The following SEMA6D variants were observed in gnomAD, a reference collection of about 807,000 sequenced individuals.
SEMA6D encodes semaphorin 6D, also known as semaphorin-6D.
SEMA6D carries 35 observed loss-of-function variants against 106.6 expected under a neutral mutation model. The ratio of observed to expected loss-of-function variants is 0.33; its 90% CI spans 0.25 to 0.44. The LOEUF is 0.44. Ranked by LOEUF, SEMA6D falls within the 20% of genes least tolerant of loss-of-function variation. The pLI, the probability that SEMA6D is intolerant of heterozygous loss-of-function variation, is 1.00. For synonymous variants in SEMA6D, 499 were observed against 487.7 expected (o/e 1.02, Z -0.31); for missense variants, 1,185 against 1,345.9 (o/e 0.88, Z 1.87).
Position 47,277,807 on chromosome 15 carries a change from C to G in SEMA6D, c.-239+93389C>G, listed in dbSNP as rs1388729720. Among the ~76,000 whole-genome samples, 6 of 150,742 alleles carry G rather than the reference C, an allele frequency of 4.0e-5. 1 individual carries two copies. In the South Asian group the frequency reaches 1.1e-3, roughly 27 times the overall value. ...TCCCCAGAGTGTGATGTTCCCCTTC[C>G]TGTGTCCATGTGTTCTCATTGTTCA... is the stretch of plus-strand genomic sequence containing the variant. On this transcript the variant is annotated intron_variant, in intron 1 of 19. Coordinates refer to the SEMA6D transcript ENST00000558014.
chr15:47,426,642 TTATCATATAATAGCACATCCC>T lies in SEMA6D; in HGVS notation c.-159+14172_-159+14192del, dbSNP rs370334626. ...TTTTGGTCTTTTATTTACATTTTCA[TTATCATATAATAGCACATCCC>T]TGATGCGTACTCCCTACAGGGTATA... is the stretch of plus-strand genomic sequence containing the variant. On this transcript the variant is annotated intron_variant, in intron 2 of 19. Coordinates refer to the SEMA6D transcript ENST00000558014. Among the ~76,000 whole-genome samples, 1,031 of 152,216 alleles carry T rather than the reference TTATCATATAATAGCACATCCC, an allele frequency of 6.8e-3. 9 individuals carry two copies. Among genetic ancestry groups the T allele is most frequent in the African/African-American group, 0.024 (987 of 41,530 alleles).
At chr15:47,403,797 G>T (rs559621824) in intron 1 of SEMA6D, among the ~76,000 whole-genome samples, 2 of 152,168 alleles carry the variant, frequency 1.3e-5, no homozygotes, top group South Asian at 2.1e-4. Context: ...GATGGGGCTG[G>T]CTCTTCCTTT....
At chr15:47,656,079 G>T (rs2077787163) in intron 4 of SEMA6D, among the ~76,000 whole-genome samples, 1 of 152,204 alleles carries the variant, frequency 6.6e-6, no homozygotes, top group Non-Finnish European at 1.5e-5. Context: ...ACTGTCTAAT[G>T]TTCCTAAACA....
intron 2 of SEMA6D, among the ~76,000 whole-genome samples, chr15:47,447,697 C>T (rs1354574925): frequency 6.6e-6 from 1 of 152,082 alleles, no homozygotes; most frequent in East Asian, 1.9e-4. Flanking sequence ...GCCATTTTAG[C>T]AAATTAATCA....
chr15:47,237,503 A>G (rs2032628646), intron 1 of SEMA6D, among the ~76,000 whole-genome samples: 1 of 152,098 alleles, frequency 6.6e-6, no homozygotes, highest in Non-Finnish European at 1.5e-5. Flanking sequence ...TGAGCAATGC[A>G]CTATGACCGA....
chr15:47,738,936 C>T (rs1207904078), intron 1 of SEMA6D, among the ~76,000 whole-genome samples: 1 of 152,136 alleles, frequency 6.6e-6, no homozygotes, highest in Admixed American at 6.6e-5. Context: ...CTAGGGCTGA[C>T]AGCCATAGCC....
chr15:47,535,120 C>T (rs2045116005), intron 3 of SEMA6D, among the ~76,000 whole-genome samples: 1 of 147,008 alleles, frequency 6.8e-6, no homozygotes, highest in African/African-American at 2.5e-5. Context: ...CAAAAAAACA[C>T]AAAAAACAAC....
At position 47,435,502 on chromosome 15, in the gene SEMA6D, G is replaced by C. The variant is rs146890311; in HGVS notation, c.-159+23030G>C. ...CACATGGCAAGTCTAATGACATGTG[G>C]CTCCCTACCCAGTTGAGCCACGTTC... On this transcript the variant is annotated intron_variant, in intron 2 of 19. Transcript: ENST00000558014. 4.0e-4 allele frequency among the ~76,000 whole-genome samples: 61 copies of C among 152,040 alleles called. 1 individual carries two copies. In the East Asian group the frequency reaches 0.011, roughly 28 times the overall value.
intron 1 of SEMA6D, among the ~76,000 whole-genome samples, chr15:47,382,763 G>A (rs1260889493): frequency 2.6e-5 from 4 of 152,108 alleles, no homozygotes; most frequent in Non-Finnish European, 4.4e-5. Flanking sequence ...TGTTAGTCCT[G>A]TAGTACCATT....
intron 3 of SEMA6D, among the ~76,000 whole-genome samples, chr15:47,503,049 A>G (rs979383124): frequency 1.3e-5 from 2 of 152,212 alleles, no homozygotes; most frequent in African/African-American, 4.8e-5. Context: ...CACTTTATTA[A>G]CTATACACTA....
chr15:47,372,486 G>A (rs1265660627), intron 1 of SEMA6D, among the ~76,000 whole-genome samples: 1 of 152,166 alleles, frequency 6.6e-6, no homozygotes, highest in Non-Finnish European at 1.5e-5. Context: ...TATTTAGTTA[G>A]CCTCAAAATA....
In SEMA6D at chr15:47,373,182, A is replaced by G. The variant is rs372193303; in HGVS notation, c.-238-39211A>G. 5.3e-5 allele frequency among the ~76,000 whole-genome samples: 8 copies of G among 152,288 alleles called. 3 individuals carry two copies. The highest frequency in any genetic ancestry group is 1.7e-4 in the African/African-American group (7 of 41,556). On this transcript the variant is annotated intron_variant, in intron 1 of 19. Transcript: ENST00000558014. ...GGGATATGTGACTATGGAGCCCATA[A>G]TATCCAGGGTGGTCCTAAGGTGCCA...
intron 1 of SEMA6D, among the ~76,000 whole-genome samples, chr15:47,286,038 G>T (rs539685896): frequency 6.6e-6 from 1 of 152,194 alleles, no homozygotes; most frequent in African/African-American, 2.4e-5. Context: ...TCCATCCCAT[G>T]TGTTGACTCT....
At chr15:47,560,015 G>A (rs1452310289) in intron 3 of SEMA6D, among the ~76,000 whole-genome samples, 1 of 152,084 alleles carries the variant, frequency 6.6e-6, no homozygotes, top group East Asian at 1.9e-4. Context: ...AACATCAGCA[G>A]CTATAGTTTA....
At position 47,543,009 on chromosome 15, in the gene SEMA6D, G is replaced by C. The variant is rs930128410; in HGVS notation, c.-86-57856G>C. 2.6e-5 allele frequency among the ~76,000 whole-genome samples: 4 copies of C among 152,236 alleles called. No homozygotes were observed. The South Asian group carries it at 6.2e-4, about 24-fold the overall frequency. ...TCCCACAATGTCCTGCACATTTACT[G>C]TTGATAGGTATCTGTTTAGACCTTT... On this transcript the variant is annotated intron_variant, in intron 3 of 19. Coordinates refer to the SEMA6D transcript ENST00000558014.
At chr15:47,501,839 G>A (rs1398278330) in intron 3 of SEMA6D, among the ~76,000 whole-genome samples, 1 of 150,606 alleles carries the variant, frequency 6.6e-6, no homozygotes, top group Admixed American at 6.7e-5. Flanking sequence ...ACCACCTACT[G>A]GCTGGAGGAG....
intron 1 of SEMA6D, among the ~76,000 whole-genome samples, chr15:47,294,429 G>A (rs753415278): frequency 1.1e-4 from 16 of 152,064 alleles, no homozygotes; most frequent in Non-Finnish European, 1.6e-4. Flanking sequence ...TCAACATGTT[G>A]GCCAGGCTGA....
chr15:47,756,262 C>T lies in SEMA6D; in HGVS notation c.-54-3483C>T, dbSNP rs890394440. ...AGGTGTGCCTTATCCTCTAAGAATG[C>T]CCCTGTCATTGTTTGGATGGTATAC... On this transcript the variant is annotated intron_variant, in intron 1 of 18. Transcript: ENST00000536845. Among the ~76,000 whole-genome samples, 6 of 152,000 alleles carry T rather than the reference C, an allele frequency of 3.9e-5. 1 individual carries two copies. Among genetic ancestry groups the T allele is most frequent in the South Asian group, 4.1e-4 (2 of 4,820 alleles).
chr15:47,403,500 A>G (rs1435366568), intron 1 of SEMA6D, among the ~76,000 whole-genome samples: 1 of 152,220 alleles, frequency 6.6e-6, no homozygotes, highest in Non-Finnish European at 1.5e-5. Context: ...ATTAAGACAC[A>G]GTCTCTTCCT....
Sources: allele counts gnomAD v4.1 joint callset (sites outside exome capture counted in the v4.1 genomes callset), GRCh38; gene constraint gnomAD v4.1.1; transcripts MANE v1.5; gene names NCBI Gene and HGNC (gene_info 2026-07-23, HGNC 2026-07-21).